Variants in TRIM36 observed in about 807,000 individuals in gnomAD.
The protein encoded by TRIM36 is E3 ubiquitin-protein ligase TRIM36.
In TRIM36, 42 loss-of-function variants were observed where a neutral mutation model predicts 72.4. The observed-to-expected ratio is 0.58, with a 90% CI of 0.45 to 0.75. The LOEUF is 0.75. Among genes scored for constraint, TRIM36 ranks in the 30% least tolerant of loss-of-function variants. TRIM36 has a pLI of 0.00. For synonymous variants in TRIM36, 315 were observed against 282.8 expected, an observed-to-expected ratio of 1.11 and a Z score of -1.14; for missense variants, 913 against 857.1, an observed-to-expected ratio of 1.07 and a Z score of -0.81.
chr5:115,138,348 C>T (rs1485092258), intron 5 of TRIM36, among the ~76,000 whole-genome samples: 1 of 152,154 alleles, frequency 6.6e-6, no homozygotes, highest in Non-Finnish European at 1.5e-5. Flanking sequence ...ATCAACCCGC[C>T]TCGGCCTCCC....
chr5:115,170,050 T>C (rs1356750995), upstream of TRIM36: 2 of 907,130 alleles, frequency 2.2e-6, no homozygotes, highest in South Asian at 4.9e-5. Context: ...GGTGTCTGAG[T>C]GGTAGGCTGA....
intron 7 of TRIM36, among the ~76,000 whole-genome samples, chr5:115,136,107 C>A (rs527373935): frequency 1.1e-4 from 17 of 152,038 alleles, no homozygotes; most frequent in African/African-American, 4.1e-4. Flanking sequence ...TTCCCCAGTC[C>A]CCCAGACCCC....
chr5:115,161,064 C>T (rs1754455376), intron 2 of TRIM36, among the ~76,000 whole-genome samples: 1 of 152,170 alleles, frequency 6.6e-6, no homozygotes, highest in South Asian at 2.1e-4. Context: ...GATTTCCATA[C>T]TTACAGCATT....
intron 1 of TRIM36, chr5:115,177,715 C>G (rs768475580): frequency 1.9e-6 from 3 of 1,613,764 alleles, no homozygotes; most frequent in Non-Finnish European, 2.5e-6. Flanking sequence ...CAACTCTCCC[C>G]CTCCAACCCC....
At chr5:115,138,832 T>A (rs1753112807) in intron 5 of TRIM36, among the ~76,000 whole-genome samples, 1 of 152,150 alleles carries the variant, frequency 6.6e-6, no homozygotes, top group Non-Finnish European at 1.5e-5. Flanking sequence ...TTCTTTTTTT[T>A]TGAGACAGAG....
At chr5:115,141,103 A>C (rs1315108358) in intron 5 of TRIM36, among the ~76,000 whole-genome samples, 176 bp downstream of exon 5, 1 of 152,202 alleles carries the variant, frequency 6.6e-6, no homozygotes. Flanking sequence ...GTGACCACAC[A>C]ACATTATAAT....
intron 2 of TRIM36, chr5:115,149,431 T>TAA (rs139296684): frequency 7.3e-5 from 11 of 151,670 alleles, no homozygotes; most frequent in Admixed American, 3.9e-4. Context: ...TCAAAAGTGT[T>TAA]AAAAAAATGA....
chr5:115,179,954 G>A (rs1755542385), intron 1 of TRIM36: 2 of 1,612,772 alleles, frequency 1.2e-6, no homozygotes, highest in African/African-American at 1.3e-5. Flanking sequence ...AGGCCGCGGC[G>A]CCCCGCGCCT....
At chr5:115,152,918 GC>G (rs1185653445) in intron 2 of TRIM36, among the ~76,000 whole-genome samples, 1 of 151,936 alleles carries the variant, frequency 6.6e-6, no homozygotes, top group Non-Finnish European at 1.5e-5. Context: ...CCTCTTTAAA[GC>G]ATAAAACACA....
chr5:115,169,489 A>C (rs1580709246), intron 1 of TRIM36, 119 bp downstream of exon 1: 2 of 1,131,610 alleles, frequency 1.8e-6, no homozygotes, highest in Non-Finnish European at 2.4e-6. Flanking sequence ...GGATCCCCAC[A>C]CGCCTGCCTT....
intron 2 of TRIM36, chr5:115,149,191 A>G (rs947368795): frequency 6.6e-6 from 1 of 152,192 alleles, no homozygotes; most frequent in Admixed American, 6.6e-5. Flanking sequence ...AAAGCATGCA[A>G]TACAATCCAA....
chr5:115,133,699 C>T (rs1318463460), intron 8 of TRIM36, among the ~76,000 whole-genome samples, 161 bp downstream of exon 8: 1 of 152,166 alleles, frequency 6.6e-6, no homozygotes, highest in Non-Finnish European at 1.5e-5. Flanking sequence ...GTACTCAGTT[C>T]ATTTCTAAAG....
intron 5 of TRIM36, among the ~76,000 whole-genome samples, chr5:115,138,916 C>G (rs1023880582): frequency 6.6e-6 from 1 of 151,848 alleles, no homozygotes; most frequent in East Asian, 1.9e-4. Flanking sequence ...CCAAGGTTCA[C>G]GCCATTCTCC....
At chr5:115,170,262 G>T (rs561179948), upstream of TRIM36, among the ~76,000 whole-genome samples, 1 of 152,246 alleles carries the variant, frequency 6.6e-6, no homozygotes, top group East Asian at 1.9e-4. Flanking sequence ...GGGCGGGGAG[G>T]CTCCGCTGCA....
At chr5:115,134,697 C>A (rs970452406) in intron 7 of TRIM36, among the ~76,000 whole-genome samples, 2 of 152,172 alleles carry the variant, frequency 1.3e-5, no homozygotes, top group African/African-American at 4.8e-5. Context: ...CGTGCTACCA[C>A]ACCTGGCTAA....
Position 115,130,596 on chromosome 5 carries a change from G to A in TRIM36, c.1792C>T (p.Pro598Ser), listed in dbSNP as rs754325749. 8 of 1,613,338 alleles carry A rather than the reference G, an allele frequency of 5.0e-6. No individual in the cohort carries two copies. In the South Asian group the frequency reaches 7.7e-5, roughly 16 times the overall value. ...WLRSPRDAVS[P>S]RYEQDSGHDS... is the part of the protein sequence containing the mutation. ...TAGATCAATACAAAAACCTACCTTGGACTAACTGCATCCCGGGGAGAACGG... is the reference window on the plus strand; with the variant it reads ...TAGATCAATACAAAAACCTACCTTGAACTAACTGCATCCCGGGGAGAACGG... Residue 598 changes from proline (P) to serine (S), a missense_variant, in exon 9 of 10, where the codon CCA becomes TCA. By Grantham distance (74) the Pro-to-Ser change is moderately conservative. Transcript: ENST00000513154.
In TRIM36 at chr5:115,133,862, G is replaced by T. The variant is rs774956634; in HGVS notation, c.1496C>A (p.Pro499Gln). 4 of 1,580,324 alleles carry T rather than the reference G, an allele frequency of 2.5e-6. No homozygotes were observed. The South Asian group carries it at 4.7e-5, about 19-fold the overall frequency. ...RELILHTPPAPVFSFLFDEKC... is the reference protein window; with the variant it reads ...RELILHTPPAQVFSFLFDEKC... ...TTTATTCCTGATATTCACCATACCTGGAGCTGGAGGAGTATGAAGAATCAA... is the reference window on the plus strand; with the variant it reads ...TTTATTCCTGATATTCACCATACCTTGAGCTGGAGGAGTATGAAGAATCAA... The change falls in exon 8 of 10, where the codon CCA becomes CAA. Residue 499 changes from proline (P) to glutamine (Q), a missense_variant and splice_region_variant. Transcript: ENST00000513154.
At chr5:115,169,949 G>A (rs1467737207), upstream of TRIM36, 1 of 1,224,450 alleles carries the variant, frequency 8.2e-7, no homozygotes, top group East Asian at 3.6e-5. Context: ...GCGGGGCACC[G>A]CGGGGCGTGG....
At chr5:115,177,994 G>A (rs1755423056) in intron 1 of TRIM36, 1 of 1,052,930 alleles carries the variant, frequency 9.5e-7, no homozygotes, top group Non-Finnish European at 1.4e-6. Flanking sequence ...TATTCTGAGA[G>A]GGTTTTGTTT....
Sources: allele counts gnomAD v4.1 joint callset (sites outside exome capture counted in the v4.1 genomes callset), GRCh38; gene constraint gnomAD v4.1.1; transcripts MANE v1.5; gene names NCBI Gene and HGNC (gene_info 2026-07-23, HGNC 2026-07-21).